Variants in NDRG4 observed in about 807,000 individuals in gnomAD.
NDRG4 encodes NDRG family member 4, also known as protein NDRG4.
Under a neutral mutation model 55.8 loss-of-function variants are expected in NDRG4, and 38 were observed. That is an observed-to-expected ratio of 0.68 (90% CI 0.53 to 0.89). NDRG4 has a LOEUF of 0.89. NDRG4 is among the 40% of genes least tolerant of loss of function. The pLI, the probability that NDRG4 is intolerant of heterozygous loss-of-function variation, is 0.00. For missense variants in NDRG4, 455 were observed against 468.6 expected (o/e 0.97, Z 0.27); for synonymous variants, 190 against 182.7 (o/e 1.04, Z -0.32).
chr16:58,494,605 TCCA>T (rs1250302553), intron 2 of NDRG4, among the ~76,000 whole-genome samples: 2 of 152,190 alleles, frequency 1.3e-5, no homozygotes, highest in African/African-American at 4.8e-5. Flanking sequence ...CACACGCTCC[TCCA>T]CCAAGTACTT....
chr16:58,477,863 T>C (rs2033887179), intron 1 of NDRG4, among the ~76,000 whole-genome samples: 1 of 152,000 alleles, frequency 6.6e-6, no homozygotes. Flanking sequence ...AAGGGAAAAA[T>C]AGTAACATTT....
At chr16:58,508,887 G>C (rs2038399974) in intron 10 of NDRG4, 75 bp from the exon 11 acceptor site, 1 of 1,544,522 alleles carries the variant, frequency 6.5e-7, no homozygotes, top group African/African-American at 1.4e-5. Flanking sequence ...CCCGAGCTTG[G>C]GGCATCAAAC....
At position 58,464,342 on chromosome 16, in the gene NDRG4, C is replaced by T; in HGVS notation, c.-24+545C>T. The T allele has an allele frequency of 2.5e-6, 3 of 1,208,390 alleles. No individual in the cohort carries two copies. The allele number at this position is 1,208,390 out of a possible 1,614,324, so 74.9% of individuals were successfully genotyped here. A position where few individuals can be genotyped will look rare whatever the true frequency, so the allele number is the denominator to read the frequency against. ...CGCTCCGCGCTCTCCTGCCGCTCCG[C>T]TCCGGGTCTCCCGCGCTCCTCTCCC... On this transcript the variant is annotated intron_variant, in intron 1 of 15. Coordinates refer to the NDRG4 transcript ENST00000258187. This position sits in a 1 kb window ranked among gnomAD's most constrained non-coding sequence, Gnocchi z 4.8.
intron 1 of NDRG4, among the ~76,000 whole-genome samples, chr16:58,467,790 G>A (rs887405517): frequency 7.2e-5 from 11 of 152,202 alleles, no homozygotes; most frequent in Non-Finnish European, 1.5e-4. Flanking sequence ...TTAGGTGTGT[G>A]AGCGTGTGCA....
rs552075756 is a variant in NDRG4 at position 58,476,881 on chromosome 16, C to A, written c.-23-10875C>A. 3.3e-5 allele frequency among the ~76,000 whole-genome samples: 5 copies of A among 152,158 alleles called. No individual in the cohort carries two copies. In the South Asian group the frequency reaches 6.2e-4, roughly 19 times the overall value. On this transcript the variant is annotated intron_variant, in intron 1 of 15. Transcript: ENST00000258187. ...GGATCTAATATATTCTAAAAGAGTT[C>A]TTTCAGTAAGTACAAAAAAACCCCT...
rs60858251 is a variant in NDRG4 at position 58,513,168 on chromosome 16, A to ATGTGTGTGTGTGTGTGTGTGTGTG, written c.*1598_*1621dup. 1 of 150,136 alleles carries ATGTGTGTGTGTGTGTGTGTGTGTG rather than the reference A, an allele frequency of 6.7e-6. No individual in the cohort carries two copies. The highest frequency in any genetic ancestry group is 1.5e-5 in the Non-Finnish European group (1 of 67,546). The allele number at this position is 150,136 out of a possible 1,614,324, so 9.3% of individuals were successfully genotyped here. On this transcript the variant is annotated 3_prime_UTR_variant, in exon 15 of 15. Coordinates refer to ENST00000570248, the MANE Select transcript of NDRG4 (RefSeq NM_001242835.2). ...GTATCTATAAATATCTATACATTAT[A>ATGTGTGTGTGTGTGTGTGTGTGTG]TGTGTGTGTGTGTGTGTGTGTGTGT...
In NDRG4 at chr16:58,501,379, G is replaced by A. The variant is rs574588753; in HGVS notation, c.21+1110G>A. The A allele has an allele frequency of 1.0e-5, 3 of 294,718 alleles. No homozygotes were observed. In the South Asian group the frequency reaches 4.9e-4, roughly 48 times the overall value. 18.3% of individuals were successfully genotyped at this position (294,718 alleles called of 1,614,324 possible). A position where few individuals can be genotyped will look rare whatever the true frequency, so the allele number is the denominator to read the frequency against. On this transcript the variant is annotated intron_variant, in intron 1 of 14. Coordinates refer to ENST00000570248, the MANE Select transcript of NDRG4 (RefSeq NM_001242835.2). ...CGAGGGGAGACGGACCGACCGAGAG[G>A]AGCCGCCACAGCCCCCTCCCCTGCT...
At chr16:58,510,805 C>A in intron 14 of NDRG4, 122 bp downstream of exon 14, 1 of 899,252 alleles carries the variant, frequency 1.1e-6, no homozygotes, top group Non-Finnish European at 1.7e-6. Flanking sequence ...TTCTTGTGTC[C>A]TGTTCAACTC....
rs1285550659 is a variant in NDRG4, at chr16:58,464,022, C to G, written c.-24+225C>G. On this transcript the variant is annotated intron_variant, in intron 1 of 15. Coordinates refer to the NDRG4 transcript ENST00000258187. The surrounding 1 kb of genome is among the most constrained non-coding windows in gnomAD (Gnocchi z 4.8). ...GCTCCCGCTCTCCTTCCTCGCCTTC[C>G]CGGCCGCGCTGGGGACCCCCAGCCG... is the stretch of plus-strand genomic sequence containing the variant. The G allele has an allele frequency of 1.1e-5, 2 of 174,138 alleles. No homozygotes were observed. Among genetic ancestry groups the G allele is most frequent in the East Asian group, 2.9e-4 (2 of 6,928 alleles). 10.8% of individuals were successfully genotyped at this position (174,138 alleles called of 1,614,324 possible).
chr16:58,481,151 C>T (rs1339682456), intron 1 of NDRG4, among the ~76,000 whole-genome samples: 1 of 152,120 alleles, frequency 6.6e-6, no homozygotes, highest in Non-Finnish European at 1.5e-5. Flanking sequence ...TGCCTCACTT[C>T]CTCAGCTACA....
chr16:58,504,048 C>G, intron 2 of NDRG4, 106 bp from the exon 3 acceptor site: 2 of 1,582,126 alleles, frequency 1.3e-6, no homozygotes, highest in Middle Eastern at 2.0e-4. Flanking sequence ...ATTTCCCCGA[C>G]GGACCCGAGG....
At chr16:58,494,048 A>G (rs1318221942) in intron 2 of NDRG4, among the ~76,000 whole-genome samples, 1 of 152,096 alleles carries the variant, frequency 6.6e-6, no homozygotes, top group Non-Finnish European at 1.5e-5. Flanking sequence ...CTGTGGGTGC[A>G]TTTTGAGCCT....
chr16:58,506,057 T>A (rs1347026988), intron 5 of NDRG4: 2 of 460,712 alleles, frequency 4.3e-6, no homozygotes, highest in African/African-American at 4.1e-5. Context: ...AAAAACAACA[T>A]GCTTAAGATT....
At chr16:58,500,472 T>G in intron 1 of NDRG4, 1 of 496,210 alleles carries the variant, frequency 2.0e-6, no homozygotes, top group South Asian at 2.2e-5. Flanking sequence ...TGGGGGCAGC[T>G]GCTAGTCAGA....
intron 1 of NDRG4, chr16:58,463,925 C>G (rs1314861210): frequency 6.6e-6 from 1 of 152,222 alleles, no homozygotes; most frequent in African/African-American, 2.4e-5. Flanking sequence ...CGACCCTAGC[C>G]CCGCGAGTCC....
rs1238336700 is a variant in NDRG4 at position 58,487,750 on chromosome 16, C to A, written c.-23-6C>A. 2.0e-6 allele frequency: 3 copies of A among 1,535,266 alleles called. No homozygotes were observed. The Admixed American group carries it at 6.0e-5, about 31-fold the overall frequency. On this transcript the variant is annotated splice_polypyrimidine_tract_variant and splice_region_variant and intron_variant, in intron 1 of 15. Transcript: ENST00000258187. ...AGCAGGCCTCAACCTCGCCCTCCCT[C>A]CCTAGGCCTCCTGCTCCACGACGTG...
Position 58,503,845 on chromosome 16 carries a change from G to A in NDRG4, c.69G>A (p.Arg23=), listed in dbSNP as rs368353656. The A allele has an allele frequency of 1.2e-6, 2 of 1,613,898 alleles. No individual in the cohort carries two copies. Among genetic ancestry groups the A allele is most frequent in the Middle Eastern group, 1.6e-4 (1 of 6,062 alleles). ...TPYGLLHVVI[R]GSPKGNRPAI... is the part of the protein sequence containing the mutation. ...ACGGCCTTCTGCATGTAGTGATCCG[G>A]GGCTCCCCCAAGGGGAACCGCCCAG... is the stretch of plus-strand genomic sequence containing the variant. Residue 23 remains arginine (R), a synonymous_variant, in exon 2 of 15, where the codon CGG becomes CGA. Transcript: ENST00000570248.
intron 1 of NDRG4, chr16:58,475,709 G>A: frequency 2.2e-6 from 1 of 452,908 alleles, no homozygotes; most frequent in Non-Finnish European, 4.4e-6. Context: ...TTAGAATCCT[G>A]CCTTTGAGCC....
At chr16:58,492,489 CGTGTGTGTGTGTGTGTGTGTGTGTGTGT>C (rs58901035) in intron 2 of NDRG4, among the ~76,000 whole-genome samples, 1,583 of 124,034 alleles carry the variant, frequency 0.013, 34 homozygotes, top group East Asian at 0.08. Context: ...TCTGCTCCAC[CGTGTGTGTGTGTGTGTGTGTGTGTGTGT>C]GTGTGTGTGT....
Sources: gnomAD v4.1 joint callset for allele counts (sites outside exome capture counted in the v4.1 genomes callset) on GRCh38, gnomAD v4.1.1 for gene constraint, Gnocchi (gnomAD v3.1) non-coding constraint, MANE v1.5 for transcripts, NCBI Gene and HGNC (gene_info 2026-07-23, HGNC 2026-07-21) for gene names.